The following CENPM variants were observed in gnomAD, a reference collection of about 807,000 sequenced individuals.
The protein encoded by CENPM is centromere protein M, also known as interphase centromere complex protein 39.
In CENPM, 14 loss-of-function variants were observed where a neutral mutation model predicts 19.6. That is an observed-to-expected ratio of 0.71 (90% CI 0.47 to 1.11). CENPM has a LOEUF of 1.11. Ranked by LOEUF, CENPM falls within the 50% of genes most tolerant of loss-of-function variation. The pLI, the probability that CENPM is intolerant of heterozygous loss-of-function variation, is 0.00. For missense variants in CENPM, 239 were observed against 228.4 expected, an observed-to-expected ratio of 1.05 and a Z score of -0.30; for synonymous variants, 114 against 101.5, an observed-to-expected ratio of 1.12 and a Z score of -0.74.
chr22:41,945,935 C>T lies in CENPM; in HGVS notation c.208G>A (p.Val70Ile). 6.2e-7 allele frequency: 1 copy of T among 1,613,864 alleles called. No homozygotes were observed. Among genetic ancestry groups the T allele is most frequent in the Non-Finnish European group, 8.5e-7 (1 of 1,179,924 alleles). ...CACCTGTATTTGCTGTGAAGATTAA[C>T]CACAAACACGATCAGGTCAATTCGG... ...RPRIDLIVFVVNLHSKYSLQN... is the reference protein window; with the variant it reads ...RPRIDLIVFVINLHSKYSLQN... The change falls in exon 3 of 6, where the codon GTT (valine) becomes ATT (isoleucine). Residue 70 changes from valine (V) to isoleucine (I), a missense_variant. Physicochemically the swap from Val to Ile is conservative, Grantham distance 29. Coordinates refer to ENST00000215980, the MANE Select transcript of CENPM (RefSeq NM_024053.5).
At chr22:41,944,912 T>C (rs1306126465) in intron 4 of CENPM, 44 of 1,206,458 alleles carry the variant, frequency 3.6e-5, no homozygotes, top group Non-Finnish European at 4.1e-5. Flanking sequence ...AGTATGTGTA[T>C]ATGTGTTCTT....
At chr22:41,935,479 A>G (rs1414480138), downstream of CENPM, among the ~76,000 whole-genome samples, 1 of 152,130 alleles carries the variant, frequency 6.6e-6, no homozygotes, top group African/African-American at 2.4e-5. Context: ...GGCCAAAGAC[A>G]AGGTCACTCT....
the CENPM span, among the ~76,000 whole-genome samples, chr22:41,933,495 T>C: frequency 1.3e-5 from 2 of 152,054 alleles, no homozygotes; most frequent in African/African-American, 4.8e-5. Context: ...GCATACCCTT[T>C]GATGGAAGAG....
chr22:41,937,223 C>T (rs1054449355), downstream of CENPM, among the ~76,000 whole-genome samples: 8 of 152,240 alleles, frequency 5.3e-5, no homozygotes, highest in African/African-American at 7.2e-5. Flanking sequence ...AGACCTCCAG[C>T]CAGCTTTTCT....
downstream of CENPM, among the ~76,000 whole-genome samples, chr22:41,935,407 C>CA (rs2055587599): frequency 1.3e-5 from 2 of 152,230 alleles, no homozygotes; most frequent in South Asian, 4.1e-4. Context: ...TCAGCCCCGC[C>CA]AAAGACCTAC....
chr22:41,931,061 C>G, the CENPM span, among the ~76,000 whole-genome samples: 343 of 151,770 alleles, frequency 2.3e-3, 1 homozygote, highest in African/African-American at 7.9e-3. Flanking sequence ...GTCTCGAACT[C>G]CTGGTCTCAA....
downstream of CENPM, among the ~76,000 whole-genome samples, chr22:41,937,195 G>A (rs1418713756): frequency 1.3e-5 from 2 of 152,148 alleles, no homozygotes; most frequent in Non-Finnish European, 2.9e-5. Context: ...ACAATCTCTC[G>A]CCATCAACCC....
chr22:41,943,819 G>T, intron 4 of CENPM, 118 bp from the exon 5 acceptor site: 1 of 807,778 alleles, frequency 1.2e-6, no homozygotes, highest in Non-Finnish European at 1.9e-6. Flanking sequence ...TTCTAGTCGC[G>T]AGGGTGACAG....
chr22:41,938,119 G>T (rs1476487079), downstream of CENPM, among the ~76,000 whole-genome samples: 1 of 149,218 alleles, frequency 6.7e-6, no homozygotes, highest in Non-Finnish European at 1.5e-5. Context: ...TGGAATTATA[G>T]GTGGGAACCA....
chr22:41,940,733 C>A (rs2077731836), intron 5 of CENPM, among the ~76,000 whole-genome samples: 1 of 152,188 alleles, frequency 6.6e-6, no homozygotes. Context: ...GAGCCTAGAA[C>A]AGTGGTCGGT....
downstream of CENPM, among the ~76,000 whole-genome samples, chr22:41,936,290 T>C (rs931785342): frequency 2.6e-5 from 4 of 152,328 alleles, no homozygotes; most frequent in South Asian, 4.1e-4. Flanking sequence ...CAACGGTCTG[T>C]TTCATGAACT....
downstream of CENPM, among the ~76,000 whole-genome samples, chr22:41,935,498 G>C (rs555136351): frequency 1.4e-4 from 21 of 152,302 alleles, no homozygotes; most frequent in African/African-American, 5.1e-4. Flanking sequence ...CTCTGGGAAG[G>C]CTGGCCTTCC....
At chr22:41,945,818 C>T (rs559642207) in intron 3 of CENPM, 95 bp downstream of exon 3, 11 of 969,644 alleles carry the variant, frequency 1.1e-5, no homozygotes, top group African/African-American at 3.2e-5. Context: ...CCTCTCCCAT[C>T]CTCACCACTT....
chr22:41,937,902 G>GGC (rs1454276788), downstream of CENPM, among the ~76,000 whole-genome samples: 1 of 151,994 alleles, frequency 6.6e-6, no homozygotes, highest in Non-Finnish European at 1.5e-5. Flanking sequence ...GGAGTGCAGT[G>GGC]GCGCGATCTC....
chr22:41,946,126 G>A, intron 2 of CENPM, 121 bp from the exon 3 acceptor site: 5 of 883,930 alleles, frequency 5.7e-6, no homozygotes, highest in East Asian at 2.6e-5. Context: ...CTAGCCACCC[G>A]AGGCTCTTGT....
chr22:41,936,542 A>C (rs2077684579), downstream of CENPM, among the ~76,000 whole-genome samples: 1 of 152,212 alleles, frequency 6.6e-6, no homozygotes, highest in South Asian at 2.1e-4. Context: ...AGGGGCAGAT[A>C]GGGCCGCATC....
intron 5 of CENPM, among the ~76,000 whole-genome samples, chr22:41,939,878 A>AAGAAAGAAAGAAAGAAAGAAAAAG (rs1399573773): frequency 1.4e-5 from 1 of 72,986 alleles, no homozygotes; most frequent in Admixed American, 1.8e-4. Flanking sequence ...GAAAGAAAGA[A>AAGAAAGAAAGAAAGAAAGAAAAAG]AAAGAAAGAA....
downstream of CENPM, among the ~76,000 whole-genome samples, chr22:41,936,536 G>A (rs1190650750): frequency 1.3e-5 from 2 of 152,190 alleles, no homozygotes; most frequent in African/African-American, 4.8e-5. Flanking sequence ...ACAGAAAGGG[G>A]CAGATAGGGC....
downstream of CENPM, among the ~76,000 whole-genome samples, chr22:41,936,321 C>T (rs532792394): frequency 1.3e-5 from 2 of 152,358 alleles, no homozygotes; most frequent in South Asian, 4.1e-4. Flanking sequence ...GAAACATCAT[C>T]TACCTCACAG....
Sources: allele counts gnomAD v4.1 joint callset (sites outside exome capture counted in the v4.1 genomes callset), GRCh38; gene constraint gnomAD v4.1.1; transcripts MANE v1.5; gene names NCBI Gene and HGNC (gene_info 2026-07-23, HGNC 2026-07-21).